The following RGCC variants were observed in gnomAD, a reference collection of about 807,000 sequenced individuals.
RGCC encodes the protein regulator of cell cycle, also known as regulator of cell cycle RGCC.
RGCC carries 15 observed loss-of-function variants against 15.4 expected under a neutral mutation model. That is an observed-to-expected ratio of 0.97 (90% CI 0.65 to 1.50). The LOEUF (loss-of-function observed/expected upper bound fraction) is 1.50. RGCC is among the 40% of genes most tolerant of loss of function. The pLI is 0.00. For missense variants in RGCC, 176 were observed against 189.7 expected, an observed-to-expected ratio of 0.93 and a Z score of 0.42; for synonymous variants, 81 against 78.0, an observed-to-expected ratio of 1.04 and a Z score of -0.20.
chr13:41,469,277 T>TAAG (rs1183091416), intron 4 of RGCC, among the ~76,000 whole-genome samples: 1 of 99,366 alleles, frequency 1.0e-5, no homozygotes, highest in Admixed American at 1.1e-4. Flanking sequence ...ATAATAATAA[T>TAAG]AATAATAATA....
intron 2 of RGCC, among the ~76,000 whole-genome samples, chr13:41,460,880 A>G (rs1555296196): frequency 1.3e-5 from 2 of 152,160 alleles, no homozygotes; most frequent in South Asian, 2.1e-4. Context: ...TTTTTGCTCT[A>G]GTTTTTACAG....
chr13:41,470,341 G>A, intron 4 of RGCC, 137 bp from the exon 5 acceptor site: 2 of 854,708 alleles, frequency 2.3e-6, no homozygotes, highest in Non-Finnish European at 3.9e-6. Flanking sequence ...AGTCATTCCA[G>A]TTAATCAGAC....
intron 3 of RGCC, 56 bp downstream of exon 3, chr13:41,466,986 C>A: frequency 9.4e-7 from 1 of 1,065,554 alleles, no homozygotes; most frequent in Non-Finnish European, 1.5e-6. Context: ...CTCTCCTTCT[C>A]AATCCCTTCT....
At chr13:41,460,765 A>C (rs1024914079) in intron 2 of RGCC, among the ~76,000 whole-genome samples, 2 of 152,226 alleles carry the variant, frequency 1.3e-5, no homozygotes, top group Non-Finnish European at 2.9e-5. Context: ...TACTTTCAAA[A>C]TATCATTACA....
At chr13:41,460,885 T>A (rs1450115110) in intron 2 of RGCC, among the ~76,000 whole-genome samples, 1 of 152,210 alleles carries the variant, frequency 6.6e-6, no homozygotes, top group Non-Finnish European at 1.5e-5. Flanking sequence ...GCTCTAGTTT[T>A]TACAGCTCTG....
chr13:41,466,187 ACACT>A (rs1359710594), intron 2 of RGCC, among the ~76,000 whole-genome samples: 49 of 46,764 alleles, frequency 1.0e-3, no homozygotes, highest in Non-Finnish European at 2.4e-3. Flanking sequence ...TCTCACACAC[ACACT>A]CACACACACT....
rs1284638863 is a variant in RGCC, at chr13:41,458,052, C to A, written c.50-233C>A. Among the ~76,000 whole-genome samples, 1 of 152,204 alleles carries A rather than the reference C, an allele frequency of 6.6e-6. No individual in the cohort carries two copies. Among genetic ancestry groups the A allele is most frequent in the African/African-American group, 2.4e-5 (1 of 41,450 alleles). ...CTGGCCGCGCCAAGTCGCTGGGTGA[C>A]CCTGGGCCTGGCGAAGGCTCAGTTT... On this transcript the variant is annotated intron_variant, in intron 1 of 4. Transcript: ENST00000379359. This position sits in a 1 kb window ranked among gnomAD's most constrained non-coding sequence, Gnocchi z 4.4.
chr13:41,468,078 A>G (rs1397937367), intron 3 of RGCC, among the ~76,000 whole-genome samples: 1 of 152,234 alleles, frequency 6.6e-6, no homozygotes, highest in East Asian at 1.9e-4. Flanking sequence ...GGCTCTAGAG[A>G]GAACCAAATC....
rs554173153 is a variant in RGCC at position 41,457,715 on chromosome 13, C to T, written c.8C>T (p.Pro3Leu). 2 of 1,477,510 alleles carry T rather than the reference C, an allele frequency of 1.4e-6. No homozygotes were observed. Among genetic ancestry groups the T allele is most frequent in the South Asian group, 1.3e-5 (1 of 75,818 alleles). 91.5% of individuals were successfully genotyped at this position (1,477,510 alleles called of 1,614,324 possible). ...GCCCAGCTGAGCCGCCTCATGAAGC[C>T]GCCCGCGGCGCAGGGCAGCCCCGCG... MK[P>L]PAAQGSPAAA... Residue 3 changes from proline (P) to leucine (L), a missense_variant, in exon 1 of 5, where the codon CCG becomes CTG. By Grantham distance (98) the Pro-to-Leu change is moderately conservative. Coordinates refer to ENST00000379359, the MANE Select transcript of RGCC (RefSeq NM_014059.3). This position sits in a 1 kb window ranked among gnomAD's most constrained non-coding sequence, Gnocchi z 4.9.
At position 41,468,822 on chromosome 13, in the gene RGCC, TG is replaced by T. The variant is rs1322950299; in HGVS notation, c.391del (p.Asp131ThrfsTer4). 12 of 1,606,458 alleles carry T rather than the reference TG, an allele frequency of 7.5e-6. No individual in the cohort carries two copies. The highest frequency in any genetic ancestry group is 1.0e-5 in the Non-Finnish European group (12 of 1,178,736). The stretch of plus-strand genomic sequence containing the variant: ...AGCTAGAAGCCTTCATTGCTGATCT[TG>T]ACAAAACTTTAGCAAGTAAGTACAT... ...KELEAFIADL[D>X]KTLASM On this transcript the variant is annotated frameshift_variant, in exon 4 of 5. Coordinates refer to ENST00000379359, the MANE Select transcript of RGCC (RefSeq NM_014059.3). LOFTEE classifies it high-confidence loss of function.
rs544460412 is a variant in RGCC at position 41,466,880 on chromosome 13, C to T, written c.293C>T (p.Pro98Leu). Reference sequence around the variant, plus strand: ...TTCAGTGATGAAAAACTGAATTCTCCAACAGACTCTACCCCAGCTCTTCTC... The same window carrying T: ...TTCAGTGATGAAAAACTGAATTCTCTAACAGACTCTACCCCAGCTCTTCTC... ...FSFSDEKLNS[P>L]TDSTPALLSA... Residue 98 changes from proline (P) to leucine (L), a missense_variant, in exon 3 of 5, where the codon CCA (proline) becomes CTA (leucine). Physicochemically the swap from Pro to Leu is moderately conservative, Grantham distance 98. Transcript: ENST00000379359. The T allele has an allele frequency of 7.1e-5, 114 of 1,613,926 alleles. 2 individuals carry two copies. In the South Asian group the frequency reaches 1.1e-3, roughly 16 times the overall value.
At chr13:41,469,630 T>A (rs1186237030) in intron 4 of RGCC, among the ~76,000 whole-genome samples, 1 of 152,126 alleles carries the variant, frequency 6.6e-6, no homozygotes, top group Admixed American at 6.5e-5. Context: ...AACTTTAAGA[T>A]GTGGGTGCCA....
chr13:41,464,808 G>T (rs1387946471), intron 2 of RGCC, among the ~76,000 whole-genome samples: 1 of 152,180 alleles, frequency 6.6e-6, no homozygotes, highest in East Asian at 1.9e-4. Flanking sequence ...AGTGATGGTG[G>T]TCATTTCAGG....
intron 4 of RGCC, among the ~76,000 whole-genome samples, chr13:41,469,991 A>C (rs2043868357): frequency 6.6e-6 from 1 of 152,158 alleles, no homozygotes; most frequent in Admixed American, 6.5e-5. Context: ...CCAGCCCCTT[A>C]ATTTTCCAGG....
intron 4 of RGCC, among the ~76,000 whole-genome samples, chr13:41,470,055 C>T (rs149467992): frequency 1.2e-3 from 176 of 152,172 alleles, no homozygotes; most frequent in Middle Eastern, 0.01. Flanking sequence ...GCTAAAGAGC[C>T]GGGTAAACTC....
In RGCC at chr13:41,457,642, G is replaced by A; in HGVS notation, c.-66G>A. The A allele has an allele frequency of 4.0e-6, 6 of 1,500,058 alleles. No individual in the cohort carries two copies. The highest frequency in any genetic ancestry group is 5.3e-6 in the Non-Finnish European group (6 of 1,126,762). 92.9% of individuals were successfully genotyped at this position (1,500,058 alleles called of 1,614,324 possible). ...GAAGTGTGCGGGACAGCAAGCCCCC[G>A]AATAGCCCCGGCTGCCACCTCGCAG... On this transcript the variant is annotated 5_prime_UTR_variant, in exon 1 of 5. Transcript: ENST00000379359. This position sits in a 1 kb window ranked among gnomAD's most constrained non-coding sequence, Gnocchi z 4.9.
intron 3 of RGCC, among the ~76,000 whole-genome samples, chr13:41,467,435 T>C (rs2043854363): frequency 6.6e-6 from 1 of 152,270 alleles, no homozygotes; most frequent in Non-Finnish European, 1.5e-5. Flanking sequence ...AGCCTGTCTC[T>C]ACTGTGGTAT....
At chr13:41,469,430 C>G (rs2043865521) in intron 4 of RGCC, among the ~76,000 whole-genome samples, 1 of 152,020 alleles carries the variant, frequency 6.6e-6, no homozygotes, top group Admixed American at 6.5e-5. Context: ...CACTAGCAAA[C>G]AATGGCATTT....
chr13:41,460,566 C>T (rs2043816133), intron 2 of RGCC, among the ~76,000 whole-genome samples: 1 of 152,170 alleles, frequency 6.6e-6, no homozygotes, highest in Admixed American at 6.5e-5. Flanking sequence ...GATCACATGC[C>T]TGTTTGTCAA....
Sources: gnomAD v4.1 joint callset for allele counts (sites outside exome capture counted in the v4.1 genomes callset) on GRCh38, gnomAD v4.1.1 for gene constraint, Gnocchi (gnomAD v3.1) non-coding constraint, MANE v1.5 for transcripts, NCBI Gene and HGNC (gene_info 2026-07-23, HGNC 2026-07-21) for gene names.